Variants in ADGRL3 observed in about 807,000 individuals in gnomAD.
The protein encoded by ADGRL3 is adhesion G protein-coupled receptor L3.
A neutral mutation model predicts 153.5 loss-of-function variants in ADGRL3; 62 were observed. That is an observed-to-expected ratio of 0.40 (90% CI 0.33 to 0.50). The LOEUF is 0.50. ADGRL3 is among the 20% of genes least tolerant of loss of function. ADGRL3 has a pLI of 0.47. For synonymous variants in ADGRL3, 710 were observed against 672.5 expected (o/e 1.06, Z -0.86); for missense variants, 1,641 against 1,859.4 (o/e 0.88, Z 2.16).
intron 1 of ADGRL3, among the ~76,000 whole-genome samples, chr4:61,230,738 A>G (rs765858412): frequency 1.3e-5 from 2 of 152,200 alleles, no homozygotes; most frequent in Non-Finnish European, 2.9e-5. Flanking sequence ...TCCACCTATC[A>G]TGTATGAGTT....
chr4:62,032,772 C>CT (rs1001568266), intron 23 of ADGRL3, among the ~76,000 whole-genome samples: 45 of 151,380 alleles, frequency 3.0e-4, no homozygotes, highest in Admixed American at 1.2e-3. Flanking sequence ...AAACACTACT[C>CT]TTTTTTCAAT....
intron 8 of ADGRL3, among the ~76,000 whole-genome samples, chr4:61,768,293 A>G (rs1348949453): frequency 1.3e-5 from 2 of 152,066 alleles, no homozygotes; most frequent in African/African-American, 4.8e-5. Flanking sequence ...TACAGGGTGG[A>G]GGAGCGGAGG....
intron 8 of ADGRL3, among the ~76,000 whole-genome samples, chr4:61,747,304 T>C (rs2096678446): frequency 6.6e-6 from 1 of 150,982 alleles, no homozygotes; most frequent in Admixed American, 6.6e-5. Flanking sequence ...TACCATTCCT[T>C]CTGAAACTAT....
At chr4:61,761,820 C>A (rs1188762371) in intron 8 of ADGRL3, among the ~76,000 whole-genome samples, 1 of 152,136 alleles carries the variant, frequency 6.6e-6, no homozygotes, top group African/African-American at 2.4e-5. Context: ...TGTCTCAAAT[C>A]CTCAGGTGGC....
At chr4:61,294,017 A>G (rs773454241) in intron 1 of ADGRL3, among the ~76,000 whole-genome samples, 5 of 152,186 alleles carry the variant, frequency 3.3e-5, no homozygotes, top group Non-Finnish European at 5.9e-5. Flanking sequence ...ACAGTCCCCA[A>G]CTTACAGTGG....
chr4:61,674,288 A>G (rs1452698445), intron 5 of ADGRL3, among the ~76,000 whole-genome samples: 1 of 151,678 alleles, frequency 6.6e-6, no homozygotes, highest in Non-Finnish European at 1.5e-5. Context: ...TCTGTGCAAC[A>G]TATTCTTCCA....
At chr4:61,735,907 T>A (rs2096503527) in intron 8 of ADGRL3, among the ~76,000 whole-genome samples, 1 of 152,114 alleles carries the variant, frequency 6.6e-6, no homozygotes, top group Non-Finnish European at 1.5e-5. Flanking sequence ...CTTAACTCAG[T>A]TTTATTAAGT....
At chr4:61,890,403 AATAGTTTCTT>A (rs2082133588) in intron 9 of ADGRL3, among the ~76,000 whole-genome samples, 1 of 152,196 alleles carries the variant, frequency 6.6e-6, no homozygotes, top group African/African-American at 2.4e-5. Flanking sequence ...ATAAAAACAG[AATAGTTTCTT>A]ATAGTTCTAG....
intron 6 of ADGRL3, among the ~76,000 whole-genome samples, chr4:61,714,969 T>C (rs1325134514): frequency 6.6e-6 from 1 of 152,180 alleles, no homozygotes; most frequent in Non-Finnish European, 1.5e-5. Context: ...ACTCAAAACA[T>C]TTGTAGGCAT....
At chr4:61,250,117 G>T (rs1758667648) in intron 1 of ADGRL3, among the ~76,000 whole-genome samples, 3 of 152,082 alleles carry the variant, frequency 2.0e-5, no homozygotes, top group Non-Finnish European at 4.4e-5. Flanking sequence ...CTGCCTTTAT[G>T]CCCTATATAA....
intron 8 of ADGRL3, among the ~76,000 whole-genome samples, chr4:61,776,745 C>A (rs909573736): frequency 6.6e-6 from 1 of 152,108 alleles, no homozygotes; most frequent in Non-Finnish European, 1.5e-5. Context: ...ATGAAATCCT[C>A]TGTATTAAGA....
At position 61,751,617 on chromosome 4, in the gene ADGRL3, G is replaced by GA. The variant is rs113416852; in HGVS notation, c.1399+18069dup. 7.2e-5 allele frequency among the ~76,000 whole-genome samples: 11 copies of GA among 152,134 alleles called. 1 individual carries two copies. The highest frequency in any genetic ancestry group is 2.2e-4 in the African/African-American group (9 of 41,554). ...TATGTGTGTGCATTTAGACAAATTT[G>GA]AAAAAACGATTTAATTATTGGAGGA... On this transcript the variant is annotated intron_variant, in intron 8 of 26. Coordinates refer to ENST00000683033, the MANE Select transcript of ADGRL3 (RefSeq NM_001387552.1).
At chr4:61,738,582 GA>G (rs1015647913) in intron 8 of ADGRL3, among the ~76,000 whole-genome samples, 1 of 151,632 alleles carries the variant, frequency 6.6e-6, no homozygotes, top group East Asian at 1.9e-4. Flanking sequence ...GGAAAGACAT[GA>G]AAAAAAAGCT....
At chr4:61,803,490 G>C (rs1212413621) in intron 8 of ADGRL3, among the ~76,000 whole-genome samples, 1 of 151,964 alleles carries the variant, frequency 6.6e-6, no homozygotes, top group Non-Finnish European at 1.5e-5. Context: ...AGCTCTATTT[G>C]TCTTTCACTG....
chr4:61,488,810 A>G (rs2098225615), intron 2 of ADGRL3, among the ~76,000 whole-genome samples: 1 of 151,954 alleles, frequency 6.6e-6, no homozygotes, highest in Non-Finnish European at 1.5e-5. Flanking sequence ...ACTCTGGCAA[A>G]TATTGTTACT....
At chr4:61,342,296 T>G (rs1001183119) in intron 1 of ADGRL3, among the ~76,000 whole-genome samples, 1 of 152,190 alleles carries the variant, frequency 6.6e-6, no homozygotes, top group African/African-American at 2.4e-5. Flanking sequence ...ACCAAACTTA[T>G]TAAGCAGTTC....
chr4:61,871,949 G>C (rs187812732), intron 9 of ADGRL3, among the ~76,000 whole-genome samples: 1 of 152,032 alleles, frequency 6.6e-6, no homozygotes, highest in South Asian at 2.1e-4. Context: ...TAATCTAAAT[G>C]TCAAAAATTT....
At chr4:61,939,511 C>A (rs1158689591) in intron 15 of ADGRL3, among the ~76,000 whole-genome samples, 2 of 151,062 alleles carry the variant, frequency 1.3e-5, no homozygotes, top group East Asian at 3.9e-4. Flanking sequence ...ACTCTGTCAC[C>A]CAGGCTGGGA....
At chr4:61,729,761 A>C (rs905820114) in intron 6 of ADGRL3, among the ~76,000 whole-genome samples, 16 of 152,010 alleles carry the variant, frequency 1.1e-4, no homozygotes, top group African/African-American at 3.6e-4. Context: ...TGAATACGTT[A>C]ACAATTTTCC....
Sources: allele counts gnomAD v4.1 joint callset (sites outside exome capture counted in the v4.1 genomes callset), GRCh38; gene constraint gnomAD v4.1.1; transcripts MANE v1.5; gene names NCBI Gene and HGNC (gene_info 2026-07-23, HGNC 2026-07-21).